The following ASAP1 variants were observed in gnomAD, a reference collection of about 807,000 sequenced individuals.
ASAP1 encodes ArfGAP with SH3 domain, ankyrin repeat and PH domain 1.
A neutral mutation model predicts 145.2 loss-of-function variants in ASAP1; 43 were observed. That is an observed-to-expected ratio of 0.30 (90% confidence interval 0.23 to 0.38). The LOEUF (loss-of-function observed/expected upper bound fraction) is 0.38. Among genes scored for constraint, ASAP1 ranks in the 10% least tolerant of loss-of-function variants. The pLI, the probability that ASAP1 is intolerant of heterozygous loss-of-function variation, is 1.00. For synonymous variants in ASAP1, 546 were observed against 515.5 expected, an observed-to-expected ratio of 1.06 and a Z score of -0.80; for missense variants, 1,018 against 1,355.3, an observed-to-expected ratio of 0.75 and a Z score of 3.91.
intron 5 of ASAP1, among the ~76,000 whole-genome samples, chr8:130,200,226 G>C (rs1191462525): frequency 6.6e-6 from 1 of 152,144 alleles, no homozygotes; most frequent in African/African-American, 2.4e-5. Flanking sequence ...ATTTTGGACA[G>C]TGGTAAATGG....
chr8:130,192,927 G>T (rs546156787), intron 5 of ASAP1, among the ~76,000 whole-genome samples: 4 of 152,110 alleles, frequency 2.6e-5, no homozygotes, highest in Non-Finnish European at 5.9e-5. Flanking sequence ...TATCAATAGG[G>T]CACTGGCTAA....
intron 4 of ASAP1, 39 bp downstream of exon 4, chr8:130,236,883 T>G: frequency 7.2e-7 from 1 of 1,389,190 alleles, no homozygotes; most frequent in Non-Finnish European, 1.0e-6. Context: ...GTAGACATTA[T>G]TTATAATTCA....
At chr8:130,346,550 A>G (rs1323084333) in intron 3 of ASAP1, among the ~76,000 whole-genome samples, 1 of 152,040 alleles carries the variant, frequency 6.6e-6, no homozygotes, top group Non-Finnish European at 1.5e-5. Context: ...AACAGCACCC[A>G]CCCCACAGGG....
chr8:130,275,509 G>C (rs1342912110), intron 3 of ASAP1, among the ~76,000 whole-genome samples: 1 of 152,128 alleles, frequency 6.6e-6, no homozygotes. Context: ...GCCTAGGAAG[G>C]AGAAAACACC....
intron 1 of ASAP1, among the ~76,000 whole-genome samples, chr8:130,402,486 A>T (rs1466489714): frequency 3.9e-5 from 6 of 152,216 alleles, no homozygotes; most frequent in Admixed American, 3.3e-4. Context: ...AAGCTTAATT[A>T]ATTGCTGAGT....
At chr8:130,412,323 C>T (rs1208254858) in intron 1 of ASAP1, among the ~76,000 whole-genome samples, 1 of 152,116 alleles carries the variant, frequency 6.6e-6, no homozygotes, top group Non-Finnish European at 1.5e-5. Flanking sequence ...TAGCCACCAT[C>T]CCCTTGTTGC....
chr8:130,326,801 A>G (rs1010259260), intron 3 of ASAP1, among the ~76,000 whole-genome samples: 4 of 152,208 alleles, frequency 2.6e-5, no homozygotes, highest in Non-Finnish European at 5.9e-5. Flanking sequence ...TTCTCTCCAC[A>G]TTGTGTTTCC....
chr8:130,073,563 G>A (rs143428477), intron 27 of ASAP1, among the ~76,000 whole-genome samples: 14 of 152,256 alleles, frequency 9.2e-5, no homozygotes, highest in African/African-American at 3.4e-4. Context: ...AGTTAAGGGG[G>A]TCGGGAAGGA....
At chr8:130,145,597 A>G (rs1468032978) in intron 13 of ASAP1, among the ~76,000 whole-genome samples, 1 of 152,200 alleles carries the variant, frequency 6.6e-6, no homozygotes, top group Non-Finnish European at 1.5e-5. Context: ...TATTAGCCTC[A>G]CACAGAAAGG....
At chr8:130,248,880 C>CTGGGA (rs1819020768) in intron 3 of ASAP1, among the ~76,000 whole-genome samples, 1 of 152,124 alleles carries the variant, frequency 6.6e-6, no homozygotes, top group Admixed American at 6.5e-5. Context: ...ACCCTTTTCC[C>CTGGGA]AAGAGGCCAC....
chr8:130,413,720 C>CTA (rs1359413978), intron 1 of ASAP1, among the ~76,000 whole-genome samples: 1 of 152,222 alleles, frequency 6.6e-6, no homozygotes, highest in Non-Finnish European at 1.5e-5. Flanking sequence ...CCACTACCAT[C>CTA]TATCTGTGGC....
At chr8:130,224,921 G>A (rs2136536307) in intron 4 of ASAP1, among the ~76,000 whole-genome samples, 1 of 152,298 alleles carries the variant, frequency 6.6e-6, no homozygotes, top group Admixed American at 6.5e-5. Context: ...CAGAGAAGCT[G>A]GTTAAAGCAA....
intron 3 of ASAP1, among the ~76,000 whole-genome samples, chr8:130,357,412 G>A (rs939301139): frequency 6.6e-6 from 1 of 152,246 alleles, no homozygotes. Context: ...TAGGGAAGCC[G>A]GGTGGAAACC....
intron 3 of ASAP1, among the ~76,000 whole-genome samples, chr8:130,255,440 C>T (rs1565140809): frequency 6.6e-6 from 1 of 152,176 alleles, no homozygotes. Context: ...TAATATTAAA[C>T]TGCAAATAAC....
chr8:130,204,827 A>G (rs1316185778), intron 5 of ASAP1, among the ~76,000 whole-genome samples: 1 of 152,226 alleles, frequency 6.6e-6, no homozygotes, highest in African/African-American at 2.4e-5. Flanking sequence ...TTCATGTATT[A>G]CTGCAGTATA....
intron 3 of ASAP1, among the ~76,000 whole-genome samples, chr8:130,355,712 T>A (rs538558993): frequency 2.6e-5 from 4 of 152,286 alleles, no homozygotes; most frequent in Admixed American, 2.6e-4. Context: ...ATGCACTACT[T>A]CCACATATGT....
chr8:130,377,577 C>A lies in ASAP1; in HGVS notation c.60-19434G>T, dbSNP rs190032894. On this transcript the variant is annotated intron_variant, in intron 2 of 29. Transcript: ENST00000518721. Reference sequence around the variant, plus strand: ...CCCCAGCTCTCAAGGAGCCTATGGTCAATCAGAGTATGCAGATGGCCTGCC... The same window carrying A: ...CCCCAGCTCTCAAGGAGCCTATGGTAAATCAGAGTATGCAGATGGCCTGCC... 3.9e-5 allele frequency among the ~76,000 whole-genome samples: 6 copies of A among 152,304 alleles called. No individual in the cohort carries two copies. In the South Asian group the frequency reaches 1.0e-3, roughly 26 times the overall value.
At position 130,228,805 on chromosome 8, in the gene ASAP1, T is replaced by C. The variant is rs938822999; in HGVS notation, c.259+8117A>G. On this transcript the variant is annotated intron_variant, in intron 4 of 29. Coordinates refer to ENST00000518721, the MANE Select transcript of ASAP1 (RefSeq NM_018482.4). Reference sequence around the variant, plus strand: ...GGGAAAAAACCTTTAAAAAGACCAGTGGCTATTATTTTTTTTTCTTTTAGC... The same window carrying C: ...GGGAAAAAACCTTTAAAAAGACCAGCGGCTATTATTTTTTTTTCTTTTAGC... Among the ~76,000 whole-genome samples the C allele has an allele frequency of 1.2e-4, 18 of 152,022 alleles. No individual in the cohort carries two copies. In the East Asian group the frequency reaches 3.5e-3, roughly 29 times the overall value.
chr8:130,057,021 T>C (rs988558937), intron 29 of ASAP1, among the ~76,000 whole-genome samples: 4 of 152,222 alleles, frequency 2.6e-5, no homozygotes, highest in African/African-American at 7.2e-5. Flanking sequence ...TCCCTCCTGA[T>C]GCCTGAGCTG....
Sources: gnomAD v4.1 joint callset for allele counts (sites outside exome capture counted in the v4.1 genomes callset) on GRCh38, gnomAD v4.1.1 for gene constraint, MANE v1.5 for transcripts, NCBI Gene and HGNC (gene_info 2026-07-23, HGNC 2026-07-21) for gene names.